Variants in CUTC observed in about 807,000 individuals in gnomAD.
CUTC encodes copper homeostasis protein cutC homolog.
In CUTC, 27 loss-of-function variants were observed where a neutral mutation model predicts 36.2. That is an observed-to-expected ratio of 0.75 (90% CI 0.55 to 1.03). CUTC has a LOEUF of 1.03. Among genes scored for constraint, CUTC ranks in the 50% least tolerant of loss-of-function variants. The pLI is 0.00. For missense variants in CUTC, 315 were observed against 343.5 expected (o/e 0.92, Z 0.66); for synonymous variants, 114 against 118.3 (o/e 0.96, Z 0.24).
chr10:99,733,336 A>C (rs116479678), intron 1 of CUTC, among the ~76,000 whole-genome samples: 1,537 of 151,992 alleles, frequency 0.01, 24 homozygotes, highest in African/African-American at 0.035. Context: ...ATTAAAACAA[A>C]ATTTTAAAAT....
chr10:99,750,435 A>G, intron 7 of CUTC, 39 bp downstream of exon 7: 1 of 1,537,904 alleles, frequency 6.5e-7, no homozygotes, highest in Non-Finnish European at 8.8e-7. Context: ...ATAACACTGA[A>G]CTATAGTGGA....
At chr10:99,736,734 C>G (rs2037299833) in intron 2 of CUTC, among the ~76,000 whole-genome samples, 1 of 151,820 alleles carries the variant, frequency 6.6e-6, no homozygotes, top group Non-Finnish European at 1.5e-5. Flanking sequence ...ATCTCAGGTT[C>G]AGAAAAATTA....
At chr10:99,739,638 T>A (rs1366152320) in intron 2 of CUTC, 72 bp from the exon 3 acceptor site, 1 of 1,355,030 alleles carries the variant, frequency 7.4e-7, no homozygotes, top group Admixed American at 1.9e-5. Flanking sequence ...GGAAAAAATA[T>A]ATATAAACAG....
At chr10:99,754,017 A>G (rs1291919043) in intron 7 of CUTC, among the ~76,000 whole-genome samples, 1 of 152,256 alleles carries the variant, frequency 6.6e-6, no homozygotes, top group Non-Finnish European at 1.5e-5. Flanking sequence ...CAGTTTTAAT[A>G]AAGTAGAATC....
rs1466411289 is a variant in CUTC at position 99,732,382 on chromosome 10, C to G, written c.34C>G (p.Arg12Gly). 4 of 1,553,052 alleles carry G rather than the reference C, an allele frequency of 2.6e-6. 1 individual carries two copies. In the Admixed American group the frequency reaches 5.9e-5, roughly 23 times the overall value. Reference protein sequence around the residue: ...KRQGASSERKRARIPSGKAGA... With the variant: ...KRQGASSERKGARIPSGKAGA... ...GCAGGGGGCCTCCTCTGAGCGAAAA[C>G]GAGCGCGGATACCGTCCGGGAAGGC... The change falls in exon 1 of 9, where the codon CGA (arginine) becomes GGA (glycine). Residue 12 changes from arginine to glycine, a missense_variant. Physicochemically the swap from Arg to Gly is moderately radical, Grantham distance 125. Transcript: ENST00000370476.
Position 99,754,579 on chromosome 10 carries a change from G to A in CUTC, c.652G>A (p.Ala218Thr), listed in dbSNP as rs369030882. Residue 218 changes from alanine (A) to threonine (T), a missense_variant, in exon 8 of 9, where the codon GCT becomes ACT. Coordinates refer to ENST00000370476, the MANE Select transcript of CUTC (RefSeq NM_015960.3). ...NLQRILEGSG[A>T]TEFHCSARST... Reference sequence around the variant, plus strand: ...ACAAAGGATCCTTGAGGGTTCAGGTGCTACAGAATTCCACTGTTCTGCTCG... The same window carrying A: ...ACAAAGGATCCTTGAGGGTTCAGGTACTACAGAATTCCACTGTTCTGCTCG... 6.5e-5 allele frequency: 105 copies of A among 1,613,790 alleles called. No individual in the cohort carries two copies. In the Admixed American group the frequency reaches 9.5e-4, roughly 15 times the overall value.
rs931689938 is a variant in CUTC at position 99,735,119 on chromosome 10, A to C, written c.62-1127A>C. Among the ~76,000 whole-genome samples the C allele has an allele frequency of 2.2e-3, 334 of 151,314 alleles. 1 individual carries two copies. The highest frequency in any genetic ancestry group is 7.2e-3 in the African/African-American group (297 of 41,264). On this transcript the variant is annotated intron_variant, in intron 1 of 8. Transcript: ENST00000370476. ...TCTGTATCAAAAAAAAAAAAAAAAAAAAAAAAACAAACTTAGGAACTCTAA... is the reference window on the plus strand; with the variant it reads ...TCTGTATCAAAAAAAAAAAAAAAAACAAAAAAACAAACTTAGGAACTCTAA...
chr10:99,732,851 A>G (rs1234879521), intron 1 of CUTC, among the ~76,000 whole-genome samples: 1 of 152,146 alleles, frequency 6.6e-6, no homozygotes, highest in African/African-American at 2.4e-5. Flanking sequence ...TCACGCAGCT[A>G]CCAAGTGGCC....
intron 2 of CUTC, among the ~76,000 whole-genome samples, chr10:99,738,761 CA>C (rs1470803427): frequency 6.6e-6 from 1 of 152,090 alleles, no homozygotes; most frequent in Non-Finnish European, 1.5e-5. Context: ...ATCAGGAGGA[CA>C]TAACATGTTG....
intron 2 of CUTC, among the ~76,000 whole-genome samples, chr10:99,738,317 A>G: frequency 6.6e-6 from 1 of 152,008 alleles, no homozygotes; most frequent in East Asian, 1.9e-4. Context: ...TCACTAACAC[A>G]CCTTTAAAAA....
intron 2 of CUTC, among the ~76,000 whole-genome samples, chr10:99,736,846 C>T (rs2037300792): frequency 6.6e-6 from 1 of 152,190 alleles, no homozygotes; most frequent in South Asian, 2.1e-4. Context: ...ATTTTCAACA[C>T]ATGGCCAGTT....
At chr10:99,750,503 T>C in intron 7 of CUTC, 107 bp downstream of exon 7, 1 of 687,524 alleles carries the variant, frequency 1.5e-6, no homozygotes, top group Non-Finnish European at 2.3e-6. Flanking sequence ...TACATATTAG[T>C]ACATGATCTT....
At chr10:99,735,214 A>G (rs2037286987) in intron 1 of CUTC, among the ~76,000 whole-genome samples, 1 of 152,056 alleles carries the variant, frequency 6.6e-6, no homozygotes, top group Non-Finnish European at 1.5e-5. Flanking sequence ...ATATTTTAAG[A>G]AGGAACAATT....
chr10:99,755,778 G>A lies in CUTC; in HGVS notation c.*39G>A. ...AGAGACATGGATATCACAGGATGAA[G>A]GTAGAACTATAATCTGCAATTCTCT... On this transcript the variant is annotated 3_prime_UTR_variant, in exon 9 of 9. Transcript: ENST00000370476. 7.7e-7 allele frequency: 1 copy of A among 1,295,330 alleles called. No homozygotes were observed. The highest frequency in any genetic ancestry group is 1.1e-6 in the Non-Finnish European group (1 of 893,844). 80.2% of individuals were successfully genotyped at this position (1,295,330 alleles called of 1,614,324 possible).
chr10:99,740,964 T>A (rs1409192978), intron 3 of CUTC, among the ~76,000 whole-genome samples: 1 of 152,236 alleles, frequency 6.6e-6, no homozygotes, highest in Non-Finnish European at 1.5e-5. Context: ...TTAACTTTTT[T>A]GAACATGTGG....
At chr10:99,739,183 T>G (rs562584723) in intron 2 of CUTC, among the ~76,000 whole-genome samples, 1 of 152,328 alleles carries the variant, frequency 6.6e-6, no homozygotes, top group East Asian at 1.9e-4. Flanking sequence ...TGTTCTATCT[T>G]TGGCTAGTGA....
chr10:99,739,447 A>G (rs1231101413), intron 2 of CUTC, among the ~76,000 whole-genome samples: 2 of 152,334 alleles, frequency 1.3e-5, no homozygotes, highest in Middle Eastern at 3.4e-3. Context: ...TTTCCTGTAC[A>G]TAGAGAGGCA....
chr10:99,737,232 C>T (rs1161540908), intron 2 of CUTC, among the ~76,000 whole-genome samples: 2 of 150,854 alleles, frequency 1.3e-5, no homozygotes, highest in Non-Finnish European at 2.9e-5. Flanking sequence ...CACACCACTG[C>T]ACTCTAGCCT....
rs759885087 is a variant in CUTC at position 99,754,604 on chromosome 10, G to T, written c.677G>T (p.Arg226Leu). The change falls in exon 8 of 9, where the codon CGG becomes CTG. Residue 226 changes from arginine to leucine, a missense_variant. Arg to Leu is a moderately radical substitution (Grantham distance 102). Transcript: ENST00000370476. ...GCTACAGAATTCCACTGTTCTGCTC[G>T]GTCTACTAGAGACTCGGGAATGAAG... is the stretch of plus-strand genomic sequence containing the variant. ...SGATEFHCSA[R>L]STRDSGMKFR... 6.2e-7 allele frequency: 1 copy of T among 1,612,838 alleles called. No homozygotes were observed. The highest frequency in any genetic ancestry group is 8.5e-7 in the Non-Finnish European group (1 of 1,179,194).
Sources: gnomAD v4.1 joint callset for allele counts (sites outside exome capture counted in the v4.1 genomes callset) on GRCh38, gnomAD v4.1.1 for gene constraint, MANE v1.5 for transcripts, NCBI Gene and HGNC (gene_info 2026-07-23, HGNC 2026-07-21) for gene names.